The following CDH18 variants were observed in gnomAD, a reference collection of about 807,000 sequenced individuals.
CDH18 encodes the protein cadherin 18.
CDH18 carries 31 observed loss-of-function variants against 67.9 expected under a neutral mutation model. The observed-to-expected ratio is 0.46, with a 90% CI of 0.34 to 0.62. The LOEUF is 0.62. CDH18 is among the 20% of genes least tolerant of loss of function. The pLI, the probability that CDH18 is intolerant of heterozygous loss-of-function variation, is 0.01. For synonymous variants in CDH18, 362 were observed against 347.2 expected, an observed-to-expected ratio of 1.04 and a Z score of -0.48; for missense variants, 890 against 975.5, an observed-to-expected ratio of 0.91 and a Z score of 1.17.
chr5:20,036,389 G>A (rs1045264695), intron 2 of CDH18, among the ~76,000 whole-genome samples: 3 of 151,872 alleles, frequency 2.0e-5, no homozygotes, highest in African/African-American at 7.2e-5. Flanking sequence ...TAAATTTAAA[G>A]ATGATACTTA....
intron 5 of CDH18, among the ~76,000 whole-genome samples, chr5:19,639,009 G>GTTTA (rs1753644583): frequency 7.7e-5 from 5 of 65,326 alleles, no homozygotes; most frequent in Admixed American, 3.5e-4. Context: ...TTTTTTGTTT[G>GTTTA]TTTTTTCTTT....
intron 10 of CDH18, among the ~76,000 whole-genome samples, chr5:19,519,239 T>C (rs567778700): frequency 3.3e-5 from 5 of 152,222 alleles, no homozygotes; most frequent in Non-Finnish European, 5.9e-5. Context: ...AGCTTTATGT[T>C]ACAAAGCCAG....
At position 19,473,525 on chromosome 5, in the gene CDH18, T is replaced by G; in HGVS notation, c.2074A>C (p.Arg692=). ...AEELKYRRDI[R]PEVKLTPRHQ... ...CTGGGAGTGAGCTTCACTTCAGGTC[T>G]GATATCCCTCCGGTACTTGAGCTCC... Residue 692 remains arginine, a synonymous_variant, in exon 13 of 13, where the codon AGA becomes CGA. Transcript: ENST00000382275. 1 of 1,613,878 alleles carries G rather than the reference T, an allele frequency of 6.2e-7. No individual in the cohort carries two copies. Among genetic ancestry groups the G allele is most frequent in the Non-Finnish European group, 8.5e-7 (1 of 1,179,880 alleles).
chr5:20,310,000 T>C (rs1282462020), intron 1 of CDH18, among the ~76,000 whole-genome samples: 1 of 152,160 alleles, frequency 6.6e-6, no homozygotes, highest in Non-Finnish European at 1.5e-5. Context: ...ACTAATAGTT[T>C]TTTTCACTGT....
intron 2 of CDH18, among the ~76,000 whole-genome samples, chr5:19,903,297 C>T (rs10065186): frequency 0.88 from 132,825 of 151,218 alleles, 58,506 homozygotes; most frequent in Non-Finnish European, 0.92. Flanking sequence ...TGTTAGATCA[C>T]ATTTTTAGCT....
chr5:19,515,296 T>A (rs1269240415), intron 10 of CDH18, among the ~76,000 whole-genome samples: 1 of 152,210 alleles, frequency 6.6e-6, no homozygotes, highest in Non-Finnish European at 1.5e-5. Flanking sequence ...TCCAGCTTTG[T>A]TCTTTTTGCT....
chr5:20,166,722 C>T (rs1354032378), intron 2 of CDH18, among the ~76,000 whole-genome samples: 1 of 152,066 alleles, frequency 6.6e-6, no homozygotes, highest in African/African-American at 2.4e-5. Flanking sequence ...TCCATGTTTC[C>T]TGAGTGGGTC....
chr5:19,857,188 CCATTG>C, intron 2 of CDH18, among the ~76,000 whole-genome samples: 1 of 151,992 alleles, frequency 6.6e-6, no homozygotes, highest in East Asian at 1.9e-4. Context: ...CATGATTGTG[CCATTG>C]CACTCCAGCT....
At chr5:20,251,183 A>T (rs1743830434) in intron 2 of CDH18, among the ~76,000 whole-genome samples, 1 of 152,170 alleles carries the variant, frequency 6.6e-6, no homozygotes, top group South Asian at 2.1e-4. Flanking sequence ...TTACCTACAG[A>T]CTTAGGGATG....
At chr5:20,368,716 A>T (rs1054362690) in intron 1 of CDH18, among the ~76,000 whole-genome samples, 9 of 152,202 alleles carry the variant, frequency 5.9e-5, no homozygotes, top group Non-Finnish European at 1.5e-5. Context: ...AAGCATGAGC[A>T]TGCAGTACTG....
chr5:20,564,510 C>A (rs1457700492), intron 1 of CDH18, among the ~76,000 whole-genome samples: 1 of 152,066 alleles, frequency 6.6e-6, no homozygotes, highest in African/African-American at 2.4e-5. Flanking sequence ...TGGTCTTGAA[C>A]TCCTGACCTC....
chr5:20,176,209 C>T (rs953568907), intron 2 of CDH18, among the ~76,000 whole-genome samples: 7 of 152,072 alleles, frequency 4.6e-5, no homozygotes, highest in South Asian at 2.1e-4. Flanking sequence ...GGGACTTCAC[C>T]GATCTGGGTC....
chr5:20,100,837 G>A lies in CDH18; in HGVS notation c.-517-108823C>T, dbSNP rs11748152. On this transcript the variant is annotated intron_variant, in intron 2 of 14. Coordinates refer to the CDH18 transcript ENST00000507958. ...AATTGTTTTCTCTTGGCATCTATCT[G>A]TTGTTTAGTTGATAGCATAGATTTT... 1.3e-3 allele frequency among the ~76,000 whole-genome samples: 192 copies of A among 152,088 alleles called. 2 individuals carry two copies. Among genetic ancestry groups the A allele is most frequent in the Non-Finnish European group, 2.0e-3 (136 of 67,986 alleles).
chr5:20,474,220 G>T (rs13184162), intron 1 of CDH18, among the ~76,000 whole-genome samples: 57,584 of 151,876 alleles, frequency 0.38, 12,714 homozygotes, highest in East Asian at 0.55. Context: ...AGCTTGCAGT[G>T]AGCCGAGATC....
chr5:20,170,935 C>T (rs188272176), intron 2 of CDH18, among the ~76,000 whole-genome samples: 18 of 152,106 alleles, frequency 1.2e-4, no homozygotes, highest in African/African-American at 4.1e-4. Flanking sequence ...TTAGCTCCCA[C>T]TTATAAAGGA....
intron 3 of CDH18, among the ~76,000 whole-genome samples, chr5:19,813,859 G>A (rs1298104011): frequency 2.0e-5 from 3 of 151,984 alleles, no homozygotes; most frequent in African/African-American, 4.8e-5. Flanking sequence ...ATTATCAAAT[G>A]TGGAAAAATC....
At chr5:19,985,043 A>T (rs1041109899) in intron 1 of CDH18, among the ~76,000 whole-genome samples, 3 of 152,180 alleles carry the variant, frequency 2.0e-5, no homozygotes, top group Non-Finnish European at 4.4e-5. Flanking sequence ...TATTATTTAT[A>T]TTAAAGGATC....
chr5:20,330,642 C>T (rs1304896039), intron 1 of CDH18, among the ~76,000 whole-genome samples: 1 of 152,170 alleles, frequency 6.6e-6, no homozygotes, highest in South Asian at 2.1e-4. Flanking sequence ...CTTAGAACCT[C>T]CCTAAACACA....
chr5:19,844,774 A>G (rs1456677563), intron 2 of CDH18, among the ~76,000 whole-genome samples: 1 of 152,198 alleles, frequency 6.6e-6, no homozygotes, highest in African/African-American at 2.4e-5. Context: ...CCAGTGGCAT[A>G]AATTAAAAGG....
Sources: gnomAD v4.1 joint callset for allele counts (sites outside exome capture counted in the v4.1 genomes callset) on GRCh38, gnomAD v4.1.1 for gene constraint, MANE v1.5 for transcripts, NCBI Gene and HGNC (gene_info 2026-07-23, HGNC 2026-07-21) for gene names.